MSR1: variants seen among roughly 807,000 people sequenced by gnomAD.
The protein encoded by MSR1 is macrophage scavenger receptor 1, also known as macrophage scavenger receptor types I and II.
Under a neutral mutation model 47.2 loss-of-function variants are expected in MSR1, and 53 were observed. That is an observed-to-expected ratio of 1.12 (90% CI 0.90 to 1.41). MSR1 has a LOEUF of 1.41. Ranked by LOEUF, MSR1 falls within the 40% of genes most tolerant of loss-of-function variation. MSR1 has a pLI of 0.00. For synonymous variants in MSR1, 239 were observed against 185.6 expected (o/e 1.29, Z -2.34); for missense variants, 786 against 546.9 (o/e 1.44, Z -4.36).
chr8:16,167,408 G>T (rs1801344527), intron 4 of MSR1, among the ~76,000 whole-genome samples: 1 of 152,102 alleles, frequency 6.6e-6, no homozygotes, highest in Non-Finnish European at 1.5e-5. Context: ...AGCCGGGTGA[G>T]GTAGCACGTA....
rs1208169124 is a variant in MSR1 at position 16,168,828 on chromosome 8, GAACT to G, written c.256_259del (p.Ser86GlnfsTer7). Reference sequence around the variant, plus strand: ...TTGAGTTATATCATTTGCATTAGTTGAACTAACTGAGCAATTCTTCGTTTCCCAC... The same window carrying G: ...TTGAGTTATATCATTTGCATTAGTTGAACTGAGCAATTCTTCGTTTCCCAC... On this transcript the variant is annotated frameshift_variant, in exon 4 of 10. Transcript: ENST00000262101. LOFTEE classifies it high-confidence loss of function. 6.2e-7 allele frequency: 1 copy of G among 1,613,568 alleles called. No individual in the cohort carries two copies. The highest frequency in any genetic ancestry group is 8.5e-7 in the Non-Finnish European group (1 of 1,179,994).
At chr8:16,178,702 C>T (rs560601686) in intron 1 of MSR1, among the ~76,000 whole-genome samples, 27 of 152,116 alleles carry the variant, frequency 1.8e-4, no homozygotes, top group Non-Finnish European at 4.0e-4. Flanking sequence ...AAGGGTTGAA[C>T]TAGTTTACAG....
intron 1 of MSR1, among the ~76,000 whole-genome samples, chr8:16,188,878 T>C (rs543137891): frequency 9.2e-5 from 14 of 151,520 alleles, no homozygotes; most frequent in African/African-American, 2.7e-4. Context: ...CCATGGTGTA[T>C]ATATGCCACA....
chr8:16,161,869 T>C (rs1254431037), intron 5 of MSR1, among the ~76,000 whole-genome samples: 3 of 152,020 alleles, frequency 2.0e-5, no homozygotes, highest in Non-Finnish European at 4.4e-5. Flanking sequence ...CACATGAAGT[T>C]CTTAGTTCTA....
chr8:16,147,140 G>A (rs1252757920), intron 7 of MSR1, among the ~76,000 whole-genome samples: 2 of 152,074 alleles, frequency 1.3e-5, no homozygotes, highest in South Asian at 2.1e-4. Context: ...TTTTGAAGAC[G>A]GGCAAGGTTT....
chr8:16,137,679 G>A (rs1413427561), intron 8 of MSR1, among the ~76,000 whole-genome samples: 1 of 152,032 alleles, frequency 6.6e-6, no homozygotes, highest in Non-Finnish European at 1.5e-5. Context: ...CTCTTCTGAG[G>A]ATTAATGTAT....
At chr8:16,161,446 G>C (rs943311709) in intron 5 of MSR1, among the ~76,000 whole-genome samples, 1 of 151,882 alleles carries the variant, frequency 6.6e-6, no homozygotes, top group Non-Finnish European at 1.5e-5. Context: ...AGAAAAATCT[G>C]ATTAATTCAA....
At chr8:16,127,230 G>T (rs976079427) in intron 8 of MSR1, among the ~76,000 whole-genome samples, 2 of 152,104 alleles carry the variant, frequency 1.3e-5, no homozygotes, top group African/African-American at 4.8e-5. Flanking sequence ...ATCTTTATAT[G>T]ATAAAAGCCT....
chr8:16,150,138 GTGTA>G (rs1353893583), intron 7 of MSR1, 89 bp downstream of exon 7: 90 of 177,204 alleles, frequency 5.1e-4, no homozygotes, highest in East Asian at 1.2e-3. Flanking sequence ...ATGTGTGTGT[GTGTA>G]TATATATATA....
Position 16,109,946 on chromosome 8 carries a change from T to C in MSR1, c.*139A>G. ...ATAGTAAGCATGAAGGTGTTCAATA[T>C]ATTAATCCTGTAATCTAAAATATTA... On this transcript the variant is annotated 3_prime_UTR_variant, in exon 10 of 10. Transcript: ENST00000262101. 1.0e-6 allele frequency: 1 copy of C among 1,002,430 alleles called. No homozygotes were observed. The highest frequency in any genetic ancestry group is 1.5e-6 in the Non-Finnish European group (1 of 666,216). 62.1% of individuals were successfully genotyped at this position (1,002,430 alleles called of 1,614,324 possible).
At position 16,158,930 on chromosome 8, in the gene MSR1, ATTTT is replaced by A. The variant is rs34495946; in HGVS notation, c.818-3790_818-3787del. ...CAATTCAGTTTTTTTCCTTTGGTTA[ATTTT>A]TTTTTTTTTTTTTTTTTCAGAGATA... On this transcript the variant is annotated intron_variant, in intron 5 of 9. Transcript: ENST00000262101. Among the ~76,000 whole-genome samples the A allele has an allele frequency of 7.4e-5, 8 of 107,800 alleles. No homozygotes were observed. The East Asian group carries it at 2.3e-3, about 30-fold the overall frequency. The allele number at this position is 107,800 out of a possible 152,430, so 70.7% of individuals were successfully genotyped here. A position where few individuals can be genotyped will look rare whatever the true frequency, so the allele number is the denominator to read the frequency against.
intron 1 of MSR1, among the ~76,000 whole-genome samples, chr8:16,183,534 T>G (rs946942942): frequency 6.8e-6 from 1 of 146,010 alleles, no homozygotes; most frequent in Non-Finnish European, 1.5e-5. Flanking sequence ...TAACATGTAA[T>G]ACATATTTAT....
chr8:16,114,220 T>G (rs1799825752), intron 9 of MSR1, among the ~76,000 whole-genome samples: 1 of 110,000 alleles, frequency 9.1e-6, no homozygotes, highest in Admixed American at 1.1e-4. Context: ...TTGCCTTCTG[T>G]TTACCCTTAC....
intron 8 of MSR1, chr8:16,140,756 T>G: frequency 4.2e-6 from 6 of 1,421,430 alleles, no homozygotes; most frequent in Non-Finnish European, 3.7e-6. Flanking sequence ...CTGGGGGTGA[T>G]AGGGGAGAGA....
intron 2 of MSR1, 28 bp downstream of exon 2, chr8:16,177,858 C>T (rs535616647): frequency 1.3e-6 from 2 of 1,570,908 alleles, no homozygotes; most frequent in African/African-American, 1.3e-5. Flanking sequence ...GAACAACCTC[C>T]ATGGGCAGCC....
intron 4 of MSR1, among the ~76,000 whole-genome samples, chr8:16,167,830 T>A (rs1801359289): frequency 6.6e-6 from 1 of 151,720 alleles, no homozygotes; most frequent in African/African-American, 2.4e-5. Flanking sequence ...GTACACTTTC[T>A]CTAATCTTTC....
At chr8:16,154,616 C>T (rs1800948164) in intron 6 of MSR1, among the ~76,000 whole-genome samples, 1 of 151,902 alleles carries the variant, frequency 6.6e-6, no homozygotes, top group African/African-American at 2.4e-5. Context: ...ATTCATAACT[C>T]ACTACTAGTG....
intron 2 of MSR1, among the ~76,000 whole-genome samples, chr8:16,176,571 G>C (rs1801654739): frequency 6.6e-6 from 1 of 151,388 alleles, no homozygotes; most frequent in Non-Finnish European, 1.5e-5. Flanking sequence ...AAGGAAAAAA[G>C]AAAAAGAACC....
chr8:16,187,288 G>A (rs1305168338), intron 1 of MSR1, among the ~76,000 whole-genome samples: 7 of 144,742 alleles, frequency 4.8e-5, no homozygotes, highest in Non-Finnish European at 1.0e-4. Context: ...GCTTGAACCT[G>A]GGAAACAGAG....
Sources: gnomAD v4.1 joint callset for allele counts (sites outside exome capture counted in the v4.1 genomes callset) on GRCh38, gnomAD v4.1.1 for gene constraint, MANE v1.5 for transcripts, NCBI Gene and HGNC (gene_info 2026-07-23, HGNC 2026-07-21) for gene names.